SLC24A2: variants seen among roughly 807,000 people sequenced by gnomAD.
SLC24A2 encodes sodium/potassium/calcium exchanger 2.
In SLC24A2, 36 loss-of-function variants were observed where a neutral mutation model predicts 62.0. The ratio of observed to expected loss-of-function variants is 0.58; its 90% CI spans 0.44 to 0.77. SLC24A2 has a LOEUF of 0.77. Ranked by LOEUF, SLC24A2 falls within the 30% of genes least tolerant of loss-of-function variation. The pLI is 0.00. For missense variants in SLC24A2, 846 were observed against 817.9 expected, an observed-to-expected ratio of 1.03 and a Z score of -0.42; for synonymous variants, 358 against 294.0, an observed-to-expected ratio of 1.22 and a Z score of -2.23.
At chr9:19,570,096 C>T (rs1835795400) in intron 7 of SLC24A2, among the ~76,000 whole-genome samples, 1 of 152,218 alleles carries the variant, frequency 6.6e-6, no homozygotes, top group African/African-American at 2.4e-5. Context: ...TGGGCATCTC[C>T]AGTGCCCAGT....
chr9:19,772,029 G>A (rs1412539117), intron 2 of SLC24A2, among the ~76,000 whole-genome samples: 1 of 152,146 alleles, frequency 6.6e-6, no homozygotes, highest in East Asian at 1.9e-4. Flanking sequence ...AAAGGCCTGT[G>A]GCCTAACTGC....
intron 8 of SLC24A2, among the ~76,000 whole-genome samples, chr9:19,543,544 T>C (rs943514168): frequency 3.3e-5 from 5 of 152,342 alleles, no homozygotes; most frequent in Non-Finnish European, 1.5e-5. Context: ...TTTTAGATCT[T>C]TTCTGCTTTC....
rs1397966387 is a variant in SLC24A2, at chr9:19,515,187, A to C, written c.*966T>G. 1 of 152,190 alleles carries C rather than the reference A, an allele frequency of 6.6e-6. No homozygotes were observed. The highest frequency in any genetic ancestry group is 1.5e-5 in the Non-Finnish European group (1 of 68,044). The allele number at this position is 152,190 out of a possible 1,614,324, so 9.4% of individuals were successfully genotyped here. On this transcript the variant is annotated 3_prime_UTR_variant, in exon 11 of 11. Transcript: ENST00000341998. ...TTTATATAGTCTTGCTGTCCTAGAA[A>C]AAGCACTAATTTGGTTTGTAGTCAT...
the SLC24A2 span, among the ~76,000 whole-genome samples, chr9:20,009,160 T>C: frequency 7.9e-5 from 12 of 152,274 alleles, no homozygotes; most frequent in African/African-American, 2.6e-4. Context: ...CCCACCATTC[T>C]GGGACCCTGT....
chr9:20,179,190 T>C, the SLC24A2 span, among the ~76,000 whole-genome samples: 1 of 152,110 alleles, frequency 6.6e-6, no homozygotes, highest in East Asian at 1.9e-4. Flanking sequence ...AAGACGACTC[T>C]TGGGGCCCAA....
intron 4 of SLC24A2, among the ~76,000 whole-genome samples, chr9:19,608,179 T>C (rs554293657): frequency 6.6e-6 from 1 of 152,348 alleles, no homozygotes; most frequent in Non-Finnish European, 1.5e-5. Flanking sequence ...CTTGGTAGTA[T>C]AAGCTGATCT....
Position 19,510,282 on chromosome 9 carries a change from G to A in SLC24A2, c.*5871C>T, listed in dbSNP as rs1300153628. The A allele has an allele frequency of 6.6e-6, 1 of 151,976 alleles. No homozygotes were observed. The highest frequency in any genetic ancestry group is 1.5e-5 in the Non-Finnish European group (1 of 67,992). 9.4% of individuals were successfully genotyped at this position (151,976 alleles called of 1,614,324 possible). A position where few individuals can be genotyped will look rare whatever the true frequency, so the allele number is the denominator to read the frequency against. On this transcript the variant is annotated 3_prime_UTR_variant, in exon 11 of 11. Transcript: ENST00000341998. ...AATATAAAGAACTTAAAAAGGCTTA[G>A]TAGAGAGGAACTATAAAAATTATTA...
At chr9:19,527,582 T>G (rs117686531) in intron 9 of SLC24A2, among the ~76,000 whole-genome samples, 1 of 152,244 alleles carries the variant, frequency 6.6e-6, no homozygotes, top group Admixed American at 6.5e-5. Flanking sequence ...GTGACTCATA[T>G]TGAGTTAAAA....
At chr9:20,083,937 C>A in the SLC24A2 span, among the ~76,000 whole-genome samples, 23 of 152,178 alleles carry the variant, frequency 1.5e-4, no homozygotes, top group Non-Finnish European at 3.2e-4. Flanking sequence ...TAGCTCTGAG[C>A]CAAAGTAATT....
the SLC24A2 span, among the ~76,000 whole-genome samples, chr9:20,146,217 T>C: frequency 1.3e-5 from 2 of 152,054 alleles, no homozygotes; most frequent in East Asian, 1.9e-4. Flanking sequence ...AGAAAGAATG[T>C]AAGGTGGAGG....
At chr9:20,041,030 T>C in the SLC24A2 span, among the ~76,000 whole-genome samples, 4 of 152,384 alleles carry the variant, frequency 2.6e-5, no homozygotes, top group East Asian at 7.7e-4. Context: ...TTACAGGCTC[T>C]GAATTTTTTT....
chr9:20,082,420 T>A, the SLC24A2 span, among the ~76,000 whole-genome samples: 46 of 152,348 alleles, frequency 3.0e-4, no homozygotes, highest in African/African-American at 1.1e-3. Context: ...GTTTATTCAA[T>A]GTCTATTTGC....
At chr9:20,270,867 A>T in the SLC24A2 span, among the ~76,000 whole-genome samples, 1 of 152,358 alleles carries the variant, frequency 6.6e-6, no homozygotes, top group East Asian at 1.9e-4. Context: ...GAAAGCATTT[A>T]GAATTCTACT....
At chr9:19,549,137 T>A (rs2132741547) in intron 8 of SLC24A2, among the ~76,000 whole-genome samples, 1 of 152,294 alleles carries the variant, frequency 6.6e-6, no homozygotes, top group Non-Finnish European at 1.5e-5. Flanking sequence ...TAATGGTAGA[T>A]AATAAAATCG....
At chr9:20,021,958 A>G in the SLC24A2 span, among the ~76,000 whole-genome samples, 1 of 152,154 alleles carries the variant, frequency 6.6e-6, no homozygotes, top group Non-Finnish European at 1.5e-5. Flanking sequence ...ATTCTAGTGA[A>G]TACCCGAATG....
chr9:20,129,928 T>TACAC, the SLC24A2 span, among the ~76,000 whole-genome samples: 1,397 of 141,894 alleles, frequency 9.8e-3, 20 homozygotes, highest in East Asian at 0.028. Flanking sequence ...TATAATTTAC[T>TACAC]ACACACACAC....
chr9:19,657,222 T>C (rs1414325379), intron 2 of SLC24A2, among the ~76,000 whole-genome samples: 1 of 152,190 alleles, frequency 6.6e-6, no homozygotes, highest in Non-Finnish European at 1.5e-5. Context: ...TGCTACGCTT[T>C]AGGTGGAAAC....
chr9:19,892,260 A>C, the SLC24A2 span, among the ~76,000 whole-genome samples: 3 of 152,306 alleles, frequency 2.0e-5, no homozygotes, highest in African/African-American at 7.2e-5. Context: ...TCCCATGTAA[A>C]GTAGTGTCTG....
At chr9:20,054,121 C>T in the SLC24A2 span, among the ~76,000 whole-genome samples, 6 of 152,160 alleles carry the variant, frequency 3.9e-5, no homozygotes, top group African/African-American at 1.4e-4. Flanking sequence ...TGTTTAGTTG[C>T]ATGGAAAAGT....
Sources: allele counts gnomAD v4.1 joint callset (sites outside exome capture counted in the v4.1 genomes callset), GRCh38; gene constraint gnomAD v4.1.1; transcripts MANE v1.5; gene names NCBI Gene and HGNC (gene_info 2026-07-23, HGNC 2026-07-21).